The following ATP10D variants were observed in gnomAD, a reference collection of about 807,000 sequenced individuals.
The protein encoded by ATP10D is phospholipid-transporting ATPase VD.
Under a neutral mutation model 144.8 loss-of-function variants are expected in ATP10D, and 89 were observed. The ratio of observed to expected loss-of-function variants is 0.61; its 90% CI spans 0.52 to 0.73. The LOEUF (loss-of-function observed/expected upper bound fraction) is 0.73. Ranked by LOEUF, ATP10D falls within the 30% of genes least tolerant of loss-of-function variation. ATP10D has a pLI of 0.00. For missense variants in ATP10D, 1,603 were observed against 1,714.8 expected (o/e 0.93, Z 1.15); for synonymous variants, 571 against 615.1 (o/e 0.93, Z 1.06).
intron 21 of ATP10D, among the ~76,000 whole-genome samples, chr4:47,585,340 A>ATT (rs35544101): frequency 0.92 from 140,109 of 151,916 alleles, 64,821 homozygotes; most frequent in African/African-American, 0.98. Flanking sequence ...TTGAATTTAA[A>ATT]TCTTTTTTTA....
intron 2 of ATP10D, among the ~76,000 whole-genome samples, chr4:47,514,548 G>A (rs904820163): frequency 2.1e-4 from 32 of 152,304 alleles, no homozygotes; most frequent in Admixed American, 1.5e-3. Flanking sequence ...GCAGGATTAA[G>A]ATTTTGTTTC....
intron 5 of ATP10D, among the ~76,000 whole-genome samples, chr4:47,530,739 A>G (rs1249214673): frequency 6.6e-6 from 1 of 152,170 alleles, no homozygotes; most frequent in African/African-American, 2.4e-5. Flanking sequence ...TACAGGCATG[A>G]GCCACTGCGC....
chr4:47,564,001 T>C (rs1719463659), intron 15 of ATP10D, among the ~76,000 whole-genome samples: 1 of 152,154 alleles, frequency 6.6e-6, no homozygotes, highest in African/African-American at 2.4e-5. Context: ...TTCAAGCAAT[T>C]CTGCTTCAGC....
At chr4:47,540,381 G>A (rs1018375121) in intron 9 of ATP10D, among the ~76,000 whole-genome samples, 4 of 152,086 alleles carry the variant, frequency 2.6e-5, no homozygotes, top group Non-Finnish European at 5.9e-5. Flanking sequence ...TGTACTGGCA[G>A]CATCAGCAAC....
At chr4:47,487,489 A>C (rs1484138597) in intron 1 of ATP10D, among the ~76,000 whole-genome samples, 1 of 152,230 alleles carries the variant, frequency 6.6e-6, no homozygotes, top group Non-Finnish European at 1.5e-5. Flanking sequence ...AGAAAATGCT[A>C]CAAGTAAGAT....
intron 10 of ATP10D, among the ~76,000 whole-genome samples, chr4:47,551,414 G>T (rs1718727168): frequency 6.6e-6 from 1 of 152,206 alleles, no homozygotes; most frequent in Non-Finnish European, 1.5e-5. Context: ...GCTCTCTTGT[G>T]AAGTAAAAAT....
At chr4:47,491,200 A>G in intron 1 of ATP10D, 1 of 753,752 alleles carries the variant, frequency 1.3e-6, no homozygotes, top group Admixed American at 1.7e-5. Flanking sequence ...ATGCACATTA[A>G]TTCTCTTGGC....
chr4:47,547,826 A>G (rs1052804117), intron 10 of ATP10D, among the ~76,000 whole-genome samples: 2 of 152,150 alleles, frequency 1.3e-5, no homozygotes, highest in Non-Finnish European at 2.9e-5. Context: ...CAAATGCATA[A>G]TTACAGCAAC....
intron 15 of ATP10D, among the ~76,000 whole-genome samples, chr4:47,566,776 A>G (rs1719659828): frequency 6.6e-6 from 1 of 152,226 alleles, no homozygotes; most frequent in South Asian, 2.1e-4. Flanking sequence ...CATACTGTCA[A>G]CAATCAATAC....
At chr4:47,504,729 A>AT (rs1194480409) in intron 1 of ATP10D, among the ~76,000 whole-genome samples, 2 of 152,064 alleles carry the variant, frequency 1.3e-5, no homozygotes, top group East Asian at 1.9e-4. Context: ...CGCCTGGCTA[A>AT]TTTTTTTGCA....
chr4:47,590,065 C>T (rs28455914), intron 22 of ATP10D, among the ~76,000 whole-genome samples: 40,764 of 151,774 alleles, frequency 0.27, 5,615 homozygotes, highest in Admixed American at 0.35. Flanking sequence ...GATGAGGACT[C>T]GGAAGAAAAT....
Position 47,560,804 on chromosome 4 carries a change from G to C in ATP10D, c.2542-145G>C. 6.2e-6 allele frequency: 6 copies of C among 962,014 alleles called. No individual in the cohort carries two copies. The South Asian group carries it at 9.4e-5, about 15-fold the overall frequency. 59.6% of individuals were successfully genotyped at this position (962,014 alleles called of 1,614,324 possible). On this transcript the variant is annotated intron_variant, in intron 13 of 22. Transcript: ENST00000273859. ...TGGGAAGCTAGTGTCCAGGTGGTGT[G>C]AGGATATGGATCTGACATGGCTGTG...
chr4:47,524,993 C>T (rs954444805), intron 4 of ATP10D, among the ~76,000 whole-genome samples: 4 of 152,102 alleles, frequency 2.6e-5, no homozygotes, highest in Middle Eastern at 6.8e-3. Context: ...CAGGGGAATC[C>T]ATACCTTAAA....
chr4:47,498,936 A>G (rs1327984906), intron 1 of ATP10D, among the ~76,000 whole-genome samples: 5 of 152,176 alleles, frequency 3.3e-5, no homozygotes, highest in Admixed American at 6.5e-5. Context: ...CCTTAGTGTG[A>G]ATGAGTAAAG....
At chr4:47,581,267 C>T (rs542605114) in intron 20 of ATP10D, among the ~76,000 whole-genome samples, 1 of 152,208 alleles carries the variant, frequency 6.6e-6, no homozygotes, top group South Asian at 2.1e-4. Context: ...AAAATTTAGG[C>T]TAACACGATA....
At chr4:47,572,378 G>C in intron 17 of ATP10D, 148 bp downstream of exon 17, 1 of 615,684 alleles carries the variant, frequency 1.6e-6, no homozygotes, top group Non-Finnish European at 2.8e-6. Flanking sequence ...TCTATTCATT[G>C]ATTTTTTTTT....
intron 1 of ATP10D, chr4:47,491,397 T>C: frequency 1.4e-6 from 1 of 728,058 alleles, no homozygotes; most frequent in Admixed American, 1.8e-5. Context: ...AACAACTCCA[T>C]GTTTTCTAAA....
chr4:47,519,936 C>T (rs899143310), intron 3 of ATP10D, among the ~76,000 whole-genome samples: 2 of 152,104 alleles, frequency 1.3e-5, no homozygotes, highest in African/African-American at 4.8e-5. Flanking sequence ...TGTTTCTAGA[C>T]CTGAGCTAGC....
chr4:47,560,263 T>C (rs1719223627), intron 13 of ATP10D: 1 of 152,196 alleles, frequency 6.6e-6, no homozygotes, highest in Non-Finnish European at 1.5e-5. Context: ...TATGGCAACC[T>C]AAAGACAAAG....
Sources: allele counts gnomAD v4.1 joint callset (sites outside exome capture counted in the v4.1 genomes callset), GRCh38; gene constraint gnomAD v4.1.1; transcripts MANE v1.5; gene names NCBI Gene and HGNC (gene_info 2026-07-23, HGNC 2026-07-21).